PCDHA5: variants seen among roughly 807,000 people sequenced by gnomAD.
PCDHA5 encodes the protein protocadherin alpha 5.
PCDHA5 carries 43 observed loss-of-function variants against 61.6 expected under a neutral mutation model. That is an observed-to-expected ratio of 0.70 (90% CI 0.55 to 0.90). The LOEUF is 0.90. Among genes scored for constraint, PCDHA5 ranks in the 40% least tolerant of loss-of-function variants. The pLI is 0.00. For synonymous variants in PCDHA5, 627 were observed against 543.9 expected, an observed-to-expected ratio of 1.15 and a Z score of -2.13; for missense variants, 1,298 against 1,222.7, an observed-to-expected ratio of 1.06 and a Z score of -0.92.
chr5:140,902,894 A>G (rs1370660183), intron 1 of PCDHA5, among the ~76,000 whole-genome samples: 1 of 152,170 alleles, frequency 6.6e-6, no homozygotes, highest in Non-Finnish European at 1.5e-5. Flanking sequence ...CTATTATTTT[A>G]TTTAGTTTAT....
chr5:140,841,457 G>T (rs2150315897), intron 1 of PCDHA5: 1 of 1,612,920 alleles, frequency 6.2e-7, no homozygotes, highest in South Asian at 1.1e-5. Flanking sequence ...CACCTTCGTG[G>T]GCCGGATCGC....
rs371795952 is a variant in PCDHA5 at position 140,857,797 on chromosome 5, G to T, written c.2352+33670G>T. ...CAGTCAGTGAGCTGGTGCTGCGGTC[G>T]GTGGTTGCGGGTCACGTGGTGGCTA... On this transcript the variant is annotated intron_variant, in intron 1 of 3. Transcript: ENST00000529859. 12 of 1,597,706 alleles carry T rather than the reference G, an allele frequency of 7.5e-6. 1 individual carries two copies. In the East Asian group the frequency reaches 1.6e-4, roughly 21 times the overall value.
At chr5:140,859,957 A>G (rs1554152871) in intron 1 of PCDHA5, 1 of 151,974 alleles carries the variant, frequency 6.6e-6, no homozygotes, top group African/African-American at 2.4e-5. Context: ...ATCAATTGTA[A>G]AAGTCTCAGG....
chr5:140,986,154 A>G (rs2097188970), intron 3 of PCDHA5, among the ~76,000 whole-genome samples: 1 of 152,182 alleles, frequency 6.6e-6, no homozygotes, highest in Non-Finnish European at 1.5e-5. Context: ...TCACCAAGTA[A>G]TGTTTTCTGC....
At chr5:140,970,773 T>G (rs1385909769) in intron 1 of PCDHA5, among the ~76,000 whole-genome samples, 1 of 152,240 alleles carries the variant, frequency 6.6e-6, no homozygotes, top group Non-Finnish European at 1.5e-5. Context: ...TTGCTGTACA[T>G]ACATATTGTA....
At position 141,010,458 on chromosome 5, in the gene PCDHA5, T is replaced by C. The variant is rs2098417373; in HGVS notation, c.*521T>C. The C allele has an allele frequency of 1.1e-6, 1 of 871,194 alleles. No individual in the cohort carries two copies. The highest frequency in any genetic ancestry group is 1.7e-6 in the Non-Finnish European group (1 of 592,130). 54.0% of individuals were successfully genotyped at this position (871,194 alleles called of 1,614,324 possible). On this transcript the variant is annotated 3_prime_UTR_variant, in exon 4 of 4. Coordinates refer to ENST00000529859, the MANE Select transcript of PCDHA5 (RefSeq NM_018908.3). ...AAAGACAAATAAACAGCGGAAGTTA[T>C]CAGTATGGAGGGGAAGTGTAAACTT...
chr5:140,921,129 C>T (rs998046424), intron 1 of PCDHA5, among the ~76,000 whole-genome samples: 1 of 139,232 alleles, frequency 7.2e-6, no homozygotes, highest in South Asian at 2.4e-4. Context: ...TACAGGTGCA[C>T]ACCACTACAC....
intron 1 of PCDHA5, among the ~76,000 whole-genome samples, chr5:140,831,520 CTTTTTTTTTT>C (rs35178185): frequency 8.2e-5 from 10 of 122,404 alleles, no homozygotes; most frequent in African/African-American, 3.2e-4. Flanking sequence ...TGCCCCCCAC[CTTTTTTTTTT>C]TTTTTTTTTT....
At chr5:140,867,140 CATT>C (rs782677875) in intron 1 of PCDHA5, 7 of 152,092 alleles carry the variant, frequency 4.6e-5, no homozygotes, top group Non-Finnish European at 1.0e-4. Context: ...GTGATATTAT[CATT>C]TTTCCAGAGT....
At chr5:140,992,038 TG>T (rs2097488764) in intron 3 of PCDHA5, among the ~76,000 whole-genome samples, 1 of 151,828 alleles carries the variant, frequency 6.6e-6, no homozygotes, top group African/African-American at 2.4e-5. Context: ...TGTGTGTGTG[TG>T]TGTGTGTGTG....
chr5:140,843,337 C>A lies in PCDHA5; in HGVS notation c.2352+19210C>A, dbSNP rs2150357766. On this transcript the variant is annotated intron_variant, in intron 1 of 3. Coordinates refer to ENST00000529859, the MANE Select transcript of PCDHA5 (RefSeq NM_018908.3). ...CGGTTCTGGTGTCGCTGGTGGAGAGCGGCCAGGCTCCAAAAGCGTCATCGA... is the reference window on the plus strand; with the variant it reads ...CGGTTCTGGTGTCGCTGGTGGAGAGAGGCCAGGCTCCAAAAGCGTCATCGA... 16 of 1,596,000 alleles carry A rather than the reference C, an allele frequency of 1.0e-5. 3 individuals carry two copies. Among genetic ancestry groups the A allele is most frequent in the Non-Finnish European group, 1.2e-5 (14 of 1,165,568 alleles).
Position 140,857,207 on chromosome 5 carries a change from T to C in PCDHA5, c.2352+33080T>C, listed in dbSNP as rs374547664. The C allele has an allele frequency of 2.5e-6, 4 of 1,598,416 alleles. No homozygotes were observed. In the African/African-American group the frequency reaches 5.4e-5, roughly 22 times the overall value. ...AGGAGCCAACGGACAGGTCACCTGC[T>C]CTCTGACGCCTCACGTTCCGTTCAA... is the stretch of plus-strand genomic sequence containing the variant. On this transcript the variant is annotated intron_variant, in intron 1 of 3. Transcript: ENST00000529859.
intron 1 of PCDHA5, chr5:140,828,181 G>C (rs2150151926): frequency 6.2e-7 from 1 of 1,614,176 alleles, no homozygotes; most frequent in Non-Finnish European, 8.5e-7. Context: ...GGAGCGGCCA[G>C]CTCCACTACT....
intron 1 of PCDHA5, chr5:140,928,859 T>G (rs782758888): frequency 1.2e-6 from 2 of 1,614,176 alleles, no homozygotes; most frequent in Non-Finnish European, 1.7e-6. Flanking sequence ...GGTGTGCTGT[T>G]GAGCAACTCT....
chr5:141,010,368 C>T lies in PCDHA5; in HGVS notation c.*431C>T, dbSNP rs368481822. ...GGTATGTGTGGCTACCGCGGGTATG[C>T]GAGTGCCAGATATTGGCTGAGACGA... On this transcript the variant is annotated 3_prime_UTR_variant, in exon 4 of 4. Coordinates refer to ENST00000529859, the MANE Select transcript of PCDHA5 (RefSeq NM_018908.3). The T allele has an allele frequency of 8.2e-6, 12 of 1,470,936 alleles. No homozygotes were observed. The East Asian group carries it at 1.7e-4, about 21-fold the overall frequency. 91.1% of individuals were successfully genotyped at this position (1,470,936 alleles called of 1,614,324 possible). A position where few individuals can be genotyped will look rare whatever the true frequency, so the allele number is the denominator to read the frequency against.
chr5:140,963,680 T>G (rs1482854996), intron 1 of PCDHA5, among the ~76,000 whole-genome samples: 1 of 152,238 alleles, frequency 6.6e-6, no homozygotes, highest in African/African-American at 2.4e-5. Context: ...TTAAATGTGT[T>G]TATCCGTGTT....
chr5:140,959,085 G>A (rs1286885776), intron 1 of PCDHA5, among the ~76,000 whole-genome samples: 8 of 151,980 alleles, frequency 5.3e-5, no homozygotes, highest in African/African-American at 1.9e-4. Flanking sequence ...ATTATCCTTG[G>A]TTTCGGACAT....
At chr5:140,990,134 CAA>C (rs2097375582) in intron 3 of PCDHA5, among the ~76,000 whole-genome samples, 2 of 151,958 alleles carry the variant, frequency 1.3e-5, no homozygotes, top group Non-Finnish European at 2.9e-5. Flanking sequence ...AAGTCAGACT[CAA>C]GAGGCATAAT....
intron 1 of PCDHA5, among the ~76,000 whole-genome samples, chr5:140,903,136 A>C (rs1554190778): frequency 6.6e-6 from 1 of 152,212 alleles, no homozygotes; most frequent in Non-Finnish European, 1.5e-5. Flanking sequence ...AGAAATCTCC[A>C]AACTGTTTTC....
Sources: gnomAD v4.1 joint callset for allele counts (sites outside exome capture counted in the v4.1 genomes callset) on GRCh38, gnomAD v4.1.1 for gene constraint, MANE v1.5 for transcripts, NCBI Gene and HGNC (gene_info 2026-07-23, HGNC 2026-07-21) for gene names.